Variants in BIN3 observed in about 807,000 individuals in gnomAD.
The protein encoded by BIN3 is bridging integrator 3.
Under a neutral mutation model 38.2 loss-of-function variants are expected in BIN3, and 41 were observed. The ratio of observed to expected loss-of-function variants is 1.07; its 90% CI spans 0.84 to 1.39. The LOEUF is 1.39. BIN3 is among the 40% of genes most tolerant of loss of function. The probability of loss-of-function intolerance (pLI) is 0.00; values close to 1 mark genes in which losing one functional copy is unlikely to be tolerated. For synonymous variants in BIN3, 145 were observed against 122.6 expected, an observed-to-expected ratio of 1.18 and a Z score of -1.21; for missense variants, 361 against 324.3, an observed-to-expected ratio of 1.11 and a Z score of -0.87.
chr8:22,667,420 T>C (rs1563173726), intron 1 of BIN3, among the ~76,000 whole-genome samples: 1 of 152,202 alleles, frequency 6.6e-6, no homozygotes, highest in African/African-American at 2.4e-5. Context: ...AAGGAAAGAT[T>C]GGTTCAGTAA....
intron 8 of BIN3, among the ~76,000 whole-genome samples, chr8:22,621,904 G>A (rs558640764): frequency 2.6e-5 from 4 of 152,348 alleles, no homozygotes; most frequent in African/African-American, 9.6e-5. Context: ...TTGTAAGCTA[G>A]GGGAGAACCC....
chr8:22,643,967 G>A (rs1802641386), intron 2 of BIN3, among the ~76,000 whole-genome samples: 1 of 152,244 alleles, frequency 6.6e-6, no homozygotes, highest in African/African-American at 2.4e-5. Context: ...CACTGGGAGG[G>A]CTTCACTGCC....
intron 1 of BIN3, among the ~76,000 whole-genome samples, chr8:22,646,498 C>G (rs562820811): frequency 2.0e-5 from 3 of 152,134 alleles, no homozygotes; most frequent in Non-Finnish European, 4.4e-5. Context: ...GATAATGACC[C>G]CAAACAGTGA....
intron 4 of BIN3, 122 bp from the exon 5 acceptor site, chr8:22,630,700 G>A: frequency 7.7e-6 from 9 of 1,168,750 alleles, no homozygotes; most frequent in Non-Finnish European, 9.5e-6. Context: ...CACAGCCACG[G>A]CCGTCAAGAA....
chr8:22,625,608 GAC>G (rs1801978349), intron 6 of BIN3: 1 of 586,488 alleles, frequency 1.7e-6, no homozygotes, highest in Non-Finnish European at 3.1e-6. Context: ...TTGGTTTTGA[GAC>G]AGAGTCTTGC....
At chr8:22,632,232 G>A (rs974028289) in intron 4 of BIN3, among the ~76,000 whole-genome samples, 1 of 152,188 alleles carries the variant, frequency 6.6e-6, no homozygotes, top group Non-Finnish European at 1.5e-5. Flanking sequence ...TCACAGATGT[G>A]GCCTTGCCTA....
intron 1 of BIN3, among the ~76,000 whole-genome samples, chr8:22,653,736 TTA>T (rs1351579760): frequency 6.6e-6 from 1 of 152,196 alleles, no homozygotes; most frequent in African/African-American, 2.4e-5. Context: ...TGTAAACACT[TTA>T]TGTTTCAGTT....
intron 1 of BIN3, among the ~76,000 whole-genome samples, chr8:22,663,555 T>A (rs1004309814): frequency 6.6e-6 from 1 of 152,208 alleles, no homozygotes; most frequent in African/African-American, 2.4e-5. Flanking sequence ...ACTAAATCAT[T>A]GCTTTGGCCA....
rs185215250 is a variant in BIN3, at chr8:22,634,905, C to A, written c.160+1620G>T. 2.0e-5 allele frequency among the ~76,000 whole-genome samples: 3 copies of A among 152,226 alleles called. No homozygotes were observed. The East Asian group carries it at 5.8e-4, about 29-fold the overall frequency. On this transcript the variant is annotated intron_variant, in intron 4 of 8. Coordinates refer to ENST00000276416, the MANE Select transcript of BIN3 (RefSeq NM_018688.6). ...TCCTCCTTTATCAAATGGACATGCC[C>A]ATTTATAAAATGGGTGTGTCATGTG...
chr8:22,648,389 G>A (rs66704865), intron 1 of BIN3, among the ~76,000 whole-genome samples: 10,693 of 152,062 alleles, frequency 0.07, 498 homozygotes, highest in Non-Finnish European at 0.1. Flanking sequence ...CCGAGGCTCC[G>A]CTTGGCTGTG....
In BIN3 at chr8:22,660,687, A is replaced by T. The variant is rs59027715; in HGVS notation, c.8+8357T>A. Among the ~76,000 whole-genome samples the T allele has an allele frequency of 2.4e-3, 367 of 152,332 alleles. 7 individuals are homozygous for T. The East Asian group carries it at 0.063, about 26-fold the overall frequency. On this transcript the variant is annotated intron_variant, in intron 1 of 8. Transcript: ENST00000276416. ...CTGCCCCAGCAATGGTTTAAAAATT[A>T]AAAAAATATGAAATATTGTAAATAC...
intron 1 of BIN3, among the ~76,000 whole-genome samples, chr8:22,646,049 G>A (rs1434972528): frequency 6.6e-6 from 1 of 152,216 alleles, no homozygotes; most frequent in Non-Finnish European, 1.5e-5. Flanking sequence ...CGCTTCCACT[G>A]AGCAGGCTGC....
chr8:22,648,718 G>A (rs1208899202), intron 1 of BIN3, among the ~76,000 whole-genome samples: 2 of 152,140 alleles, frequency 1.3e-5, no homozygotes, highest in Admixed American at 1.3e-4. Context: ...AAGCCATCAT[G>A]CAGAATCCTA....
At chr8:22,660,324 C>T (rs1053415204) in intron 1 of BIN3, among the ~76,000 whole-genome samples, 3 of 152,254 alleles carry the variant, frequency 2.0e-5, no homozygotes, top group Non-Finnish European at 4.4e-5. Flanking sequence ...GCTTGTCCTG[C>T]GGACTCCGCA....
At chr8:22,651,313 C>T (rs962387217) in intron 1 of BIN3, among the ~76,000 whole-genome samples, 4 of 152,216 alleles carry the variant, frequency 2.6e-5, no homozygotes, top group Non-Finnish European at 2.9e-5. Context: ...CTCTCCTTTG[C>T]ATCTTCCGGA....
intron 2 of BIN3, among the ~76,000 whole-genome samples, chr8:22,643,332 C>A (rs569781141): frequency 2.2e-5 from 3 of 138,134 alleles, no homozygotes; most frequent in African/African-American, 7.4e-5. Flanking sequence ...GCCCCACCCC[C>A]CAACTTTTTT....
Position 22,644,768 on chromosome 8 carries a change from A to G in BIN3, c.44T>C (p.Ile15Thr), listed in dbSNP as rs778502368. 3 of 1,612,052 alleles carry G rather than the reference A, an allele frequency of 1.9e-6. No homozygotes were observed. The highest frequency in any genetic ancestry group is 2.2e-5 in the East Asian group (1 of 44,852). ...PFKIGQPKKQ[I>T]VPKTVERDFE... ...CGAGTTACTCACTGTTTTGGGCACA[A>G]TCTGTTTCTTGGGCTGCCCAATCTT... Residue 15 changes from isoleucine to threonine, a missense_variant, in exon 2 of 9, where the codon ATT (isoleucine) becomes ACT (threonine). Physicochemically the swap from Ile to Thr is moderately conservative, Grantham distance 89 (BLOSUM62 -1). Transcript: ENST00000276416.
intron 1 of BIN3, among the ~76,000 whole-genome samples, chr8:22,661,972 T>A (rs1185503985): frequency 6.6e-6 from 1 of 151,992 alleles, no homozygotes; most frequent in East Asian, 1.9e-4. Context: ...TTTTGTATTT[T>A]TTAGTAGAGA....
At chr8:22,654,289 T>A (rs1488562079) in intron 1 of BIN3, among the ~76,000 whole-genome samples, 1 of 152,248 alleles carries the variant, frequency 6.6e-6, no homozygotes, top group Non-Finnish European at 1.5e-5. Flanking sequence ...GTGAGGGAGA[T>A]AAATTAGATG....
Sources: allele counts gnomAD v4.1 joint callset (sites outside exome capture counted in the v4.1 genomes callset), GRCh38; gene constraint gnomAD v4.1.1; transcripts MANE v1.5; gene names NCBI Gene and HGNC (gene_info 2026-07-23, HGNC 2026-07-21).